CDK18: variants seen among roughly 807,000 people sequenced by gnomAD.
CDK18 encodes cyclin-dependent kinase 18.
In CDK18, 52 loss-of-function variants were observed where a neutral mutation model predicts 62.0. The observed-to-expected ratio is 0.84, with a 90% CI of 0.67 to 1.06. The LOEUF (loss-of-function observed/expected upper bound fraction) is 1.06, where lower values mean the gene tolerates loss of function less well. Ranked by LOEUF, CDK18 falls within the 50% of genes least tolerant of loss-of-function variation. CDK18 has a pLI of 0.00. For missense variants in CDK18, 604 were observed against 619.9 expected, an observed-to-expected ratio of 0.97 and a Z score of 0.27; for synonymous variants, 237 against 247.0, an observed-to-expected ratio of 0.96 and a Z score of 0.38.
chr1:205,530,357 C>T lies in CDK18; in HGVS notation c.1312+8C>T. On this transcript the variant is annotated splice_region_variant and intron_variant, in intron 14 of 15. Coordinates refer to ENST00000429964, the MANE Select transcript of CDK18 (RefSeq NM_212502.3). Reference sequence around the variant, plus strand: ...TGCACCAGCTTGAAGACAGTGAGTACTGGGGGTCCGGGAGCAGGGCCACCC... The same window carrying T: ...TGCACCAGCTTGAAGACAGTGAGTATTGGGGGTCCGGGAGCAGGGCCACCC... The T allele has an allele frequency of 1.2e-6, 2 of 1,611,394 alleles. No homozygotes were observed. The highest frequency in any genetic ancestry group is 1.7e-6 in the Non-Finnish European group (2 of 1,179,546).
intron 1 of CDK18, among the ~76,000 whole-genome samples, chr1:205,505,667 G>T (rs1342742119): frequency 1.3e-5 from 2 of 152,158 alleles, no homozygotes; most frequent in Non-Finnish European, 2.9e-5. Flanking sequence ...GCCCTGTGGG[G>T]GGCGGGGATT....
chr1:205,530,668 G>A lies in CDK18; in HGVS notation c.1353G>A (p.Lys451=), dbSNP rs749859178. ...CCCTGAAGGAGATCCAGCTCCAGAA[G>A]GACCCAGGCTACCGAGGCTTGGCCT... ...IFSLKEIQLQ[K]DPGYRGLAFQ... Residue 451 remains lysine (K), a synonymous_variant, in exon 15 of 16, where the codon AAG becomes AAA. Coordinates refer to ENST00000429964, the MANE Select transcript of CDK18 (RefSeq NM_212502.3). The A allele has an allele frequency of 1.2e-6, 2 of 1,613,912 alleles. No individual in the cohort carries two copies. The highest frequency in any genetic ancestry group is 3.3e-5 in the Admixed American group (2 of 60,018).
At chr1:205,510,510 C>T (rs971380047) in intron 1 of CDK18, among the ~76,000 whole-genome samples, 3 of 152,342 alleles carry the variant, frequency 2.0e-5, no homozygotes, top group East Asian at 3.9e-4. Flanking sequence ...CATCCCCTGC[C>T]GTGGCTGGGC....
intron 5 of CDK18, 58 bp from the exon 6 acceptor site, chr1:205,526,007 T>C (rs764402911): frequency 1.2e-4 from 154 of 1,309,100 alleles, no homozygotes; most frequent in Non-Finnish European, 1.4e-4. Flanking sequence ...GGGGAGGCAC[T>C]GGACAGAGGC....
chr1:205,529,982 G>A, intron 13 of CDK18: 1 of 1,395,828 alleles, frequency 7.2e-7, no homozygotes. Context: ...ATCTGATCAT[G>A]GTTGGTTTGC....
chr1:205,526,245 C>G (rs1668418593), intron 6 of CDK18, 66 bp downstream of exon 6: 9 of 1,517,150 alleles, frequency 5.9e-6, no homozygotes, highest in Admixed American at 5.1e-5. Flanking sequence ...CAGCCTGCAC[C>G]CTTGTGGGAG....
chr1:205,528,130 G>C lies in CDK18; in HGVS notation c.936G>C (p.Leu312=). 6.2e-7 allele frequency: 1 copy of C among 1,614,018 alleles called. No homozygotes were observed. Among genetic ancestry groups the C allele is most frequent in the Non-Finnish European group, 8.5e-7 (1 of 1,180,006 alleles). Reference sequence around the variant, plus strand: ...TGTGGTACAGGCCCCCCGATGTGCTGCTGGGATCCACAGAGTACTCCACCC... The same window carrying C: ...TGTGGTACAGGCCCCCCGATGTGCTCCTGGGATCCACAGAGTACTCCACCC... The part of the protein sequence containing the change: ...VTLWYRPPDV[L]LGSTEYSTPI... Residue 312 remains leucine (L), a synonymous_variant, in exon 10 of 16, where the codon CTG becomes CTC. Coordinates refer to ENST00000429964, the MANE Select transcript of CDK18 (RefSeq NM_212502.3). The surrounding 1 kb of genome is among the most constrained non-coding windows in gnomAD (Gnocchi z 4.2).
chr1:205,524,950 T>G, intron 4 of CDK18, among the ~76,000 whole-genome samples, 189 bp from the exon 5 acceptor site: 1 of 152,206 alleles, frequency 6.6e-6, no homozygotes, highest in East Asian at 1.9e-4. Flanking sequence ...CACTCTTGGC[T>G]GTCCTGGGAG....
chr1:205,518,180 C>G (rs1388408111), intron 1 of CDK18, among the ~76,000 whole-genome samples: 1 of 152,202 alleles, frequency 6.6e-6, no homozygotes, highest in Admixed American at 6.5e-5. Flanking sequence ...ACTTCCCACA[C>G]CTTCCCTCTT....
chr1:205,523,704 C>T, intron 3 of CDK18, 79 bp downstream of exon 3: 1 of 1,480,504 alleles, frequency 6.8e-7, no homozygotes, highest in Non-Finnish European at 9.0e-7. Context: ...AGCTGCCTTA[C>T]AGCCAGACTT....
Position 205,526,403 on chromosome 1 carries a change from TG to T in CDK18, c.609del (p.Thr204ProfsTer23), listed in dbSNP as rs1204411523. On this transcript the variant is annotated frameshift_variant, in exon 7 of 16. Transcript: ENST00000429964. LOFTEE classifies it high-confidence loss of function. Reference protein sequence around the residue: ...LLKNLKHANIVTLHDLIHTDR... With the variant: ...LLKNLKHANIXTLHDLIHTDR... ...AAGAACCTGAAGCACGCCAATATTG[TG>T]ACCCTGCATGACCTCATCCACACAG... The T allele has an allele frequency of 1.2e-6, 2 of 1,614,010 alleles. No homozygotes were observed. Among genetic ancestry groups the T allele is most frequent in the Non-Finnish European group, 8.5e-7 (1 of 1,180,000 alleles).
chr1:205,530,592 G>C (rs755653484), intron 14 of CDK18, 36 bp from the exon 15 acceptor site: 2 of 1,593,100 alleles, frequency 1.3e-6, no homozygotes, highest in Non-Finnish European at 8.6e-7. Context: ...CCAGCTCCAC[G>C]CAGCCCTCTC....
intron 5 of CDK18, 75 bp from the exon 6 acceptor site, chr1:205,525,990 C>T (rs1439033205): frequency 8.5e-5 from 89 of 1,041,028 alleles, no homozygotes. Context: ...CAGGCAGAGG[C>T]ACAAATGGGG....
intron 11 of CDK18, 59 bp from the exon 12 acceptor site, chr1:205,529,265 A>G: frequency 6.7e-7 from 1 of 1,498,220 alleles, no homozygotes; most frequent in Non-Finnish European, 9.2e-7. Context: ...CATCCCTTTC[A>G]AGTCGGCCTT....
intron 3 of CDK18, among the ~76,000 whole-genome samples, chr1:205,523,931 T>A (rs749104556): frequency 7.9e-5 from 12 of 152,198 alleles, no homozygotes; most frequent in Non-Finnish European, 1.5e-4. Flanking sequence ...TGAAAAAATA[T>A]ACTTACAGAA....
At chr1:205,524,398 A>T (rs751999072) in intron 4 of CDK18, 41 bp downstream of exon 4, 1 of 1,612,058 alleles carries the variant, frequency 6.2e-7, no homozygotes, top group South Asian at 1.1e-5. Context: ...GTGGGGTGAT[A>T]TGCCCTCCCC....
Position 205,525,163 on chromosome 1 carries a change from G to T in CDK18, c.424G>T (p.Glu142Ter). Reference sequence around the variant, plus strand: ...GTCAGACATTGGCTTTGGGAAACTGGAAACATACGTGAAACTGGACAAACT... The same window carrying T: ...GTCAGACATTGGCTTTGGGAAACTGTAAACATACGTGAAACTGGACAAACT... Reference protein sequence around the residue: ...SLSDIGFGKLETYVKLDKLGE... With the variant: ...SLSDIGFGKL Residue 142 changes from glutamate to a stop codon, truncating the protein, a stop_gained, in exon 5 of 16, where the codon GAA (glutamate) becomes TAA (stop). Coordinates refer to ENST00000429964, the MANE Select transcript of CDK18 (RefSeq NM_212502.3). LOFTEE classifies it high-confidence loss of function. The T allele has an allele frequency of 1.9e-6, 3 of 1,610,016 alleles. No individual in the cohort carries two copies. Among genetic ancestry groups the T allele is most frequent in the Non-Finnish European group, 2.5e-6 (3 of 1,176,978 alleles).
chr1:205,520,699 CAA>C lies in CDK18; in HGVS notation c.-21-2435_-21-2434del, dbSNP rs11333790. Among the ~76,000 whole-genome samples the C allele has an allele frequency of 2.4e-3, 329 of 135,650 alleles. 1 individual carries two copies. Among genetic ancestry groups the C allele is most frequent in the African/African-American group, 3.7e-3 (136 of 36,292 alleles). The allele number at this position is 135,650 out of a possible 152,430, so 89.0% of individuals were successfully genotyped here. ...TGGGTGATAGAGCACGACTCTATCT[CAA>C]AAAAAAAAAAAAGAAAAAAGGAAAA... On this transcript the variant is annotated intron_variant, in intron 1 of 15. Transcript: ENST00000429964.
rs774491680 is a variant in CDK18 at position 205,523,202 on chromosome 1, G to A, written c.35G>A (p.Arg12His). ...IMNKMKNFKR[R>H]FSLSVPRTET... ...AACAAGATGAAGAACTTTAAGCGCC[G>A]TTTCTCCCTGTCAGTGCCCCGCACT... The change falls in exon 2 of 16, where the codon CGT becomes CAT. Residue 12 changes from arginine to histidine, a missense_variant. Coordinates refer to ENST00000429964, the MANE Select transcript of CDK18 (RefSeq NM_212502.3). The A allele has an allele frequency of 1.8e-5, 29 of 1,613,520 alleles. No individual in the cohort carries two copies. The highest frequency in any genetic ancestry group is 3.3e-5 in the Admixed American group (2 of 59,964).
Sources: allele counts gnomAD v4.1 joint callset (sites outside exome capture counted in the v4.1 genomes callset), GRCh38; gene constraint gnomAD v4.1.1; non-coding constraint Gnocchi (gnomAD v3.1); transcripts MANE v1.5; gene names NCBI Gene and HGNC (gene_info 2026-07-23, HGNC 2026-07-21).